Variants in HPSE2 observed in about 807,000 individuals in gnomAD.
The protein encoded by HPSE2 is inactive heparanase-2.
Under a neutral mutation model 60.5 loss-of-function variants are expected in HPSE2, and 38 were observed. The observed-to-expected ratio is 0.63, with a 90% CI of 0.48 to 0.82. The LOEUF (loss-of-function observed/expected upper bound fraction) is 0.82. Among genes scored for constraint, HPSE2 ranks in the 40% least tolerant of loss-of-function variants. The pLI is 0.00. For synonymous variants in HPSE2, 295 were observed against 293.2 expected (o/e 1.01, Z -0.06); for missense variants, 713 against 740.4 (o/e 0.96, Z 0.43).
chr10:98,859,629 C>T (rs1237568348), intron 3 of HPSE2, among the ~76,000 whole-genome samples: 1 of 152,108 alleles, frequency 6.6e-6, no homozygotes, highest in South Asian at 2.1e-4. Flanking sequence ...TAGACCAACC[C>T]TCTTCTCCCT....
intron 5 of HPSE2, among the ~76,000 whole-genome samples, chr10:98,707,884 T>C (rs1948586201): frequency 6.6e-6 from 1 of 152,186 alleles, no homozygotes; most frequent in Non-Finnish European, 1.5e-5. Flanking sequence ...AAAACTGGAA[T>C]AATGAAGGGG....
intron 5 of HPSE2, among the ~76,000 whole-genome samples, chr10:98,700,244 T>C (rs1948365603): frequency 6.6e-6 from 1 of 150,798 alleles, no homozygotes; most frequent in Admixed American, 6.6e-5. Context: ...CTTCAAACTA[T>C]ACTACAAGGC....
intron 9 of HPSE2, among the ~76,000 whole-genome samples, chr10:98,587,764 T>C (rs1000212851): frequency 5.3e-5 from 8 of 152,342 alleles, no homozygotes; most frequent in African/African-American, 1.9e-4. Flanking sequence ...TTCTTTGACC[T>C]GGCATTTTTG....
chr10:98,844,298 C>T (rs1036846071), intron 3 of HPSE2, among the ~76,000 whole-genome samples: 4 of 152,214 alleles, frequency 2.6e-5, no homozygotes, highest in Non-Finnish European at 5.9e-5. Flanking sequence ...GAAAGAACAA[C>T]TGGCTATGCG....
chr10:98,777,166 A>T (rs1229670547), intron 3 of HPSE2, among the ~76,000 whole-genome samples: 1 of 152,290 alleles, frequency 6.6e-6, no homozygotes, highest in East Asian at 1.9e-4. Flanking sequence ...GTTCCGGGAG[A>T]TTAAAAAACA....
intron 3 of HPSE2, among the ~76,000 whole-genome samples, chr10:98,990,922 A>T (rs1358437638): frequency 6.6e-6 from 1 of 152,170 alleles, no homozygotes; most frequent in Non-Finnish European, 1.5e-5. Context: ...ATATTCTAAC[A>T]TAACATCCTA....
intron 3 of HPSE2, among the ~76,000 whole-genome samples, chr10:98,905,330 T>C (rs1953784480): frequency 7.5e-6 from 1 of 132,594 alleles, no homozygotes; most frequent in Admixed American, 7.9e-5. Context: ...CCCACCACAG[T>C]CCCCAGAGTG....
At chr10:99,031,993 T>G (rs1957508441) in intron 3 of HPSE2, among the ~76,000 whole-genome samples, 1 of 152,224 alleles carries the variant, frequency 6.6e-6, no homozygotes, top group South Asian at 2.1e-4. Context: ...TCACAAAATA[T>G]GCATGAATCA....
chr10:99,087,230 G>T (rs560610236), intron 3 of HPSE2, among the ~76,000 whole-genome samples: 1 of 152,248 alleles, frequency 6.6e-6, no homozygotes, highest in South Asian at 2.1e-4. Context: ...GTAATGGGCG[G>T]GGCCCATATT....
chr10:98,966,000 C>A (rs1466319747), intron 3 of HPSE2, among the ~76,000 whole-genome samples: 3 of 152,116 alleles, frequency 2.0e-5, no homozygotes, highest in Non-Finnish European at 2.9e-5. Context: ...AAGCGATTCT[C>A]CTGCCTCAGC....
intron 3 of HPSE2, among the ~76,000 whole-genome samples, chr10:98,763,577 T>C (rs988495546): frequency 6.6e-6 from 1 of 152,076 alleles, no homozygotes; most frequent in African/African-American, 2.4e-5. Flanking sequence ...TCTATCTGGA[T>C]TTAAAAGACT....
chr10:98,771,621 G>A (rs1167250795), intron 3 of HPSE2, among the ~76,000 whole-genome samples: 2 of 152,174 alleles, frequency 1.3e-5, no homozygotes, highest in African/African-American at 2.4e-5. Flanking sequence ...GTATCAATAG[G>A]AGCCAGAGAT....
chr10:99,074,608 T>G (rs1445751972), intron 3 of HPSE2, among the ~76,000 whole-genome samples: 1 of 152,184 alleles, frequency 6.6e-6, no homozygotes, highest in African/African-American at 2.4e-5. Flanking sequence ...TCAATGTTTT[T>G]GGACGAGTTT....
chr10:98,976,704 C>T (rs182936612), intron 3 of HPSE2, among the ~76,000 whole-genome samples: 8 of 150,412 alleles, frequency 5.3e-5, no homozygotes, highest in African/African-American at 1.2e-4. Context: ...CTCATAAAAA[C>T]GGACTGACAA....
chr10:98,629,520 T>C (rs977050566), intron 7 of HPSE2, among the ~76,000 whole-genome samples: 1 of 152,196 alleles, frequency 6.6e-6, no homozygotes, highest in Non-Finnish European at 1.5e-5. Flanking sequence ...TTTTTGACTC[T>C]CCACTTACTT....
intron 3 of HPSE2, among the ~76,000 whole-genome samples, chr10:99,071,151 C>T (rs1185852700): frequency 1.3e-5 from 2 of 150,430 alleles, no homozygotes; most frequent in Non-Finnish European, 3.0e-5. Flanking sequence ...CTCACTGCAA[C>T]CTCTGCCTCC....
chr10:99,306,702 T>G, the HPSE2 span, among the ~76,000 whole-genome samples: 315 of 152,178 alleles, frequency 2.1e-3, no homozygotes, highest in Admixed American at 5.0e-3. Flanking sequence ...TCACTTGTTT[T>G]TTTGTTTGTT....
intron 6 of HPSE2, among the ~76,000 whole-genome samples, chr10:98,688,890 AT>A (rs557855441): frequency 2.0e-3 from 300 of 147,752 alleles, no homozygotes; most frequent in South Asian, 3.7e-3. Context: ...CTGGCTTTAC[AT>A]TTTTTTTTTC....
chr10:99,042,439 C>T (rs2135478307), intron 3 of HPSE2, among the ~76,000 whole-genome samples: 1 of 152,214 alleles, frequency 6.6e-6, no homozygotes, highest in Non-Finnish European at 1.5e-5. Context: ...GTCCCTCTGC[C>T]ATACCAACCA....
Sources: gnomAD v4.1 joint callset for allele counts (sites outside exome capture counted in the v4.1 genomes callset) on GRCh38, gnomAD v4.1.1 for gene constraint, MANE v1.5 for transcripts, NCBI Gene and HGNC (gene_info 2026-07-23, HGNC 2026-07-21) for gene names.